Variants in GLRA2 observed in about 807,000 individuals in gnomAD.
The protein encoded by GLRA2 is glycine receptor subunit alpha-2.
A neutral mutation model predicts 31.6 loss-of-function variants in GLRA2; 11 were observed. The ratio of observed to expected loss-of-function variants is 0.35; its 90% CI spans 0.22 to 0.58. The LOEUF (loss-of-function observed/expected upper bound fraction) is 0.58, where lower values mean the gene tolerates loss of function less well. GLRA2 is among the 20% of genes least tolerant of loss of function. The probability of loss-of-function intolerance (pLI) is 0.84; values close to 1 mark genes in which losing one functional copy is unlikely to be tolerated. For synonymous variants in GLRA2, 132 were observed against 134.0 expected, an observed-to-expected ratio of 0.99 and a Z score of 0.10; for missense variants, 212 against 351.8, an observed-to-expected ratio of 0.60 and a Z score of 3.18.
chrX:14,669,877 ATGCAGAT>A (rs2091072932), intron 7 of GLRA2, among the ~76,000 whole-genome samples: 1 of 112,585 alleles, frequency 8.9e-6, no homozygotes, highest in Non-Finnish European at 1.9e-5. Flanking sequence ...CCCTCGACTT[ATGCAGAT>A]TTCTGCAGAC....
intron 2 of GLRA2, among the ~76,000 whole-genome samples, chrX:14,537,380 T>G (rs935948257): frequency 3.6e-5 from 4 of 111,296 alleles, no homozygotes; most frequent in Non-Finnish European, 7.6e-5. Flanking sequence ...TATATGTATT[T>G]CCAATTCAAA....
At chrX:14,706,035 G>A (rs1324816929) in intron 8 of GLRA2, among the ~76,000 whole-genome samples, 1 of 77,910 alleles carries the variant, frequency 1.3e-5, no homozygotes, top group Non-Finnish European at 2.9e-5. Context: ...AGACACCTGG[G>A]AGCTTTTTAA....
At chrX:14,454,174 CCACACCCA>C in the GLRA2 span, among the ~76,000 whole-genome samples, 5 of 26,270 alleles carry the variant, frequency 1.9e-4, no homozygotes, top group South Asian at 3.5e-3. Context: ...CCACACACAC[CCACACCCA>C]CACACCCACA....
chrX:14,628,666 A>G (rs1361060997), intron 7 of GLRA2, among the ~76,000 whole-genome samples: 1 of 111,786 alleles, frequency 8.9e-6, no homozygotes, highest in Non-Finnish European at 1.9e-5. Context: ...GTGGCAGAGG[A>G]CAACCCCAGA....
At chrX:14,592,084 C>T (rs996805943) in intron 4 of GLRA2, among the ~76,000 whole-genome samples, 1 of 111,412 alleles carries the variant, frequency 9.0e-6, no homozygotes, top group Non-Finnish European at 1.9e-5. Context: ...GACACTTAGA[C>T]CAAGTATGAG....
intron 7 of GLRA2, among the ~76,000 whole-genome samples, chrX:14,632,764 G>A (rs964888088): frequency 2.7e-5 from 3 of 111,050 alleles, no homozygotes; most frequent in Non-Finnish European, 3.8e-5. Flanking sequence ...CATACTTAAC[G>A]CCATGGATGC....
intron 8 of GLRA2, among the ~76,000 whole-genome samples, chrX:14,701,774 G>A (rs2091545024): frequency 8.9e-6 from 1 of 112,525 alleles, no homozygotes; most frequent in Non-Finnish European, 1.9e-5. Context: ...TTTAGTTGAA[G>A]TTCTAGTTTT....
chrX:14,523,780 G>T, the GLRA2 span, among the ~76,000 whole-genome samples: 2 of 111,313 alleles, frequency 1.8e-5, no homozygotes, highest in Non-Finnish European at 3.8e-5. Flanking sequence ...ATACGGGTGT[G>T]GTTCATGGTG....
chrX:14,567,452 C>T (rs915584491), intron 2 of GLRA2, among the ~76,000 whole-genome samples: 1 of 111,899 alleles, frequency 8.9e-6, no homozygotes, highest in African/African-American at 3.3e-5. Context: ...AACACTTCCT[C>T]AATATGATAA....
the GLRA2 span, among the ~76,000 whole-genome samples, chrX:14,496,061 G>A: frequency 2.7e-5 from 3 of 111,427 alleles, no homozygotes; most frequent in Admixed American, 1.9e-4. Context: ...AAAGGGAGAT[G>A]AAATATTTTA....
At chrX:14,704,640 G>A (rs1306307094) in intron 8 of GLRA2, among the ~76,000 whole-genome samples, 1 of 111,731 alleles carries the variant, frequency 9.0e-6, no homozygotes, top group African/African-American at 3.3e-5. Flanking sequence ...AGCATCAGAC[G>A]CGAGTATAAC....
At chrX:14,611,157 A>T (rs2147098237) in intron 7 of GLRA2, among the ~76,000 whole-genome samples, 1 of 112,596 alleles carries the variant, frequency 8.9e-6, no homozygotes, top group East Asian at 2.8e-4. Context: ...AAAATGAAGA[A>T]TTGGTCATAC....
At chrX:14,611,226 C>A (rs1569509277) in intron 7 of GLRA2, among the ~76,000 whole-genome samples, 1 of 112,743 alleles carries the variant, frequency 8.9e-6, no homozygotes, top group Non-Finnish European at 1.9e-5. Flanking sequence ...ACACTGCAAT[C>A]CCTGACCAGA....
intron 7 of GLRA2, among the ~76,000 whole-genome samples, chrX:14,689,934 CACTT>C (rs1210424207): frequency 2.7e-5 from 3 of 112,197 alleles, no homozygotes; most frequent in Non-Finnish European, 5.6e-5. Flanking sequence ...ACTTACTAAA[CACTT>C]AAGCAAACAC....
chrX:14,492,444 A>G, the GLRA2 span, among the ~76,000 whole-genome samples: 1 of 111,789 alleles, frequency 8.9e-6, no homozygotes, highest in Admixed American at 9.5e-5. Flanking sequence ...CACTAATTAC[A>G]ATTAAAAATT....
intron 2 of GLRA2, among the ~76,000 whole-genome samples, chrX:14,557,301 G>A (rs2089662161): frequency 9.2e-6 from 1 of 108,699 alleles, no homozygotes; most frequent in African/African-American, 3.4e-5. Context: ...ATTTTTAGTA[G>A]AGATGGGGTT....
At chrX:14,457,762 G>C in the GLRA2 span, among the ~76,000 whole-genome samples, 1 of 111,276 alleles carries the variant, frequency 9.0e-6, no homozygotes, top group Admixed American at 9.6e-5. Context: ...CTAGATCCTT[G>C]AGGAATCCCC....
At chrX:14,697,848 A>AT (rs1046252952) in intron 8 of GLRA2, among the ~76,000 whole-genome samples, 12 of 111,571 alleles carry the variant, frequency 1.1e-4, no homozygotes, top group African/African-American at 3.3e-4. Flanking sequence ...TAATTGAGTG[A>AT]TTTTTTTCAT....
intron 2 of GLRA2, among the ~76,000 whole-genome samples, chrX:14,549,760 G>C (rs1227920635): frequency 8.9e-6 from 1 of 111,817 alleles, no homozygotes; most frequent in Non-Finnish European, 1.9e-5. Context: ...AGCTATAAAT[G>C]TAGGAATAGT....
Sources: gnomAD v4.1 joint callset for allele counts (sites outside exome capture counted in the v4.1 genomes callset) on GRCh38, gnomAD v4.1.1 for gene constraint, MANE v1.5 for transcripts, NCBI Gene and HGNC (gene_info 2026-07-23, HGNC 2026-07-21) for gene names.